The following PCID2 variants were observed in gnomAD, a reference collection of about 807,000 sequenced individuals.
PCID2 encodes PCI domain containing 2.
In PCID2, 41 loss-of-function variants were observed where a neutral mutation model predicts 61.3. The observed-to-expected ratio is 0.67, with a 90% CI of 0.52 to 0.87. The LOEUF is 0.87. PCID2 is among the 40% of genes least tolerant of loss of function. PCID2 has a pLI of 0.00. For missense variants in PCID2, 392 were observed against 493.4 expected (o/e 0.79, Z 1.95); for synonymous variants, 187 against 177.8 (o/e 1.05, Z -0.41).
At chr13:113,168,800 C>T in the PCID2 span, among the ~76,000 whole-genome samples, 1 of 152,308 alleles carries the variant, frequency 6.6e-6, no homozygotes, top group Non-Finnish European at 1.5e-5. Flanking sequence ...GTGATCATGG[C>T]TCACTGCAGC....
intron 1 of PCID2, among the ~76,000 whole-genome samples, chr13:113,201,280 G>GA (rs59635425): frequency 0.019 from 2,795 of 151,044 alleles, 79 homozygotes; most frequent in African/African-American, 0.063. Flanking sequence ...ATGATTAAAT[G>GA]AAAAAAAAAG....
chr13:113,176,533 G>A (rs2037190504), downstream of PCID2, among the ~76,000 whole-genome samples: 2 of 152,294 alleles, frequency 1.3e-5, no homozygotes, highest in African/African-American at 2.4e-5. Context: ...AGGCCGAGGT[G>A]GGGGAATTGC....
intron 8 of PCID2, among the ~76,000 whole-genome samples, chr13:113,184,825 CA>C (rs1233764028): frequency 1.3e-5 from 2 of 151,442 alleles, no homozygotes; most frequent in Admixed American, 1.3e-4. Context: ...GAAGCCGTTC[CA>C]GGGGGCACAG....
chr13:113,206,894 C>A (rs1047197535), intron 1 of PCID2, among the ~76,000 whole-genome samples: 1 of 152,200 alleles, frequency 6.6e-6, no homozygotes, highest in Admixed American at 6.5e-5. Flanking sequence ...GTCACCCCTT[C>A]CCTTCTCAGT....
intron 9 of PCID2, among the ~76,000 whole-genome samples, chr13:113,182,485 T>A (rs747961215): frequency 6.6e-6 from 1 of 152,194 alleles, no homozygotes; most frequent in Non-Finnish European, 1.5e-5. Flanking sequence ...TTCTCCTGGA[T>A]GTACAAAAAA....
the PCID2 span, among the ~76,000 whole-genome samples, chr13:113,167,665 G>A: frequency 5.3e-5 from 8 of 152,152 alleles, no homozygotes; most frequent in South Asian, 1.5e-3. Context: ...TTTATAAAGT[G>A]CATGTTTAAA....
chr13:113,173,366 G>A (rs771980212), downstream of PCID2, among the ~76,000 whole-genome samples: 1 of 134,182 alleles, frequency 7.5e-6, no homozygotes, highest in Non-Finnish European at 1.6e-5. Context: ...GACAGAAATG[G>A]CATAAATGTT....
chr13:113,191,293 G>A lies in PCID2; in HGVS notation c.364-318C>T, dbSNP rs188875092. Reference sequence around the variant, plus strand: ...AAGTAATCCTCCCATCCTGGCCTCCGGAAGTGTTGGGATTACAGGCATGAG... The same window carrying A: ...AAGTAATCCTCCCATCCTGGCCTCCAGAAGTGTTGGGATTACAGGCATGAG... On this transcript the variant is annotated intron_variant, in intron 6 of 13. Coordinates refer to ENST00000337344, the MANE Select transcript of PCID2 (RefSeq NM_001127202.4). Among the ~76,000 whole-genome samples the A allele has an allele frequency of 1.4e-4, 22 of 151,836 alleles. No individual in the cohort carries two copies. In the East Asian group the frequency reaches 2.9e-3, roughly 20 times the overall value.
the PCID2 span, among the ~76,000 whole-genome samples, chr13:113,169,009 G>A: frequency 5.3e-5 from 8 of 152,144 alleles, no homozygotes; most frequent in Admixed American, 2.6e-4. Context: ...GATTATAGGC[G>A]TGAGCCACCA....
chr13:113,174,974 G>A (rs1208287363), downstream of PCID2, among the ~76,000 whole-genome samples: 4 of 152,168 alleles, frequency 2.6e-5, no homozygotes, highest in Non-Finnish European at 4.4e-5. Flanking sequence ...TAATCCCCAC[G>A]TGTGGAGAAG....
intron 13 of PCID2, 30 bp from the exon 14 acceptor site, chr13:113,178,317 A>T (rs760478580): frequency 6.5e-7 from 1 of 1,543,154 alleles, no homozygotes; most frequent in Non-Finnish European, 9.0e-7. Context: ...GAATGCGTTT[A>T]CATTTTTGGA....
downstream of PCID2, among the ~76,000 whole-genome samples, chr13:113,176,917 G>A (rs1419301233): frequency 6.6e-6 from 1 of 152,186 alleles, no homozygotes; most frequent in Non-Finnish European, 1.5e-5. Flanking sequence ...CTCTAGAACT[G>A]TGAGGAAATA....
chr13:113,187,599 A>T (rs535713647), intron 7 of PCID2: 1 of 152,148 alleles, frequency 6.6e-6, no homozygotes, highest in Non-Finnish European at 1.5e-5. Flanking sequence ...ACTGGTGATT[A>T]ATGACCTTGA....
intron 1 of PCID2, among the ~76,000 whole-genome samples, chr13:113,204,002 TA>T (rs1156622129): frequency 2.6e-5 from 4 of 152,184 alleles, no homozygotes; most frequent in Admixed American, 6.5e-5. Flanking sequence ...CTTGCTCAAC[TA>T]AGGGGCTTCT....
chr13:113,190,393 G>A (rs1039515085), intron 7 of PCID2, among the ~76,000 whole-genome samples: 5 of 152,114 alleles, frequency 3.3e-5, no homozygotes, highest in African/African-American at 9.7e-5. Context: ...CATTTTTAAA[G>A]TGCCAAAAGG....
chr13:113,180,450 C>T (rs1595152772), intron 10 of PCID2, among the ~76,000 whole-genome samples: 1 of 152,312 alleles, frequency 6.6e-6, no homozygotes, highest in East Asian at 1.9e-4. Context: ...GACACGTGAC[C>T]TTGATCTTGA....
intron 6 of PCID2, among the ~76,000 whole-genome samples, chr13:113,193,080 T>A (rs1186555518): frequency 6.6e-6 from 1 of 152,178 alleles, no homozygotes; most frequent in Admixed American, 6.5e-5. Context: ...TCCAGAACTA[T>A]GAGACATAAA....
At chr13:113,194,532 G>A (rs1157059385) in intron 6 of PCID2, among the ~76,000 whole-genome samples, 1 of 152,132 alleles carries the variant, frequency 6.6e-6, no homozygotes, top group African/African-American at 2.4e-5. Flanking sequence ...CATCCTGACT[G>A]GAACTGAAGT....
Position 113,200,566 on chromosome 13 carries a change from G to A in PCID2, c.37-50C>T, listed in dbSNP as rs200111120. 2.7e-5 allele frequency: 33 copies of A among 1,208,112 alleles called. 1 individual carries two copies. The East Asian group carries it at 4.0e-4, about 14-fold the overall frequency. 74.8% of individuals were successfully genotyped at this position (1,208,112 alleles called of 1,614,324 possible). ...AAGTAGAAAATAAAATATTCTGTTC[G>A]AATAGAACCTACAACAATACACTGA... On this transcript the variant is annotated intron_variant, in intron 1 of 13. Coordinates refer to ENST00000337344, the MANE Select transcript of PCID2 (RefSeq NM_001127202.4).
Sources: allele counts gnomAD v4.1 joint callset (sites outside exome capture counted in the v4.1 genomes callset), GRCh38; gene constraint gnomAD v4.1.1; transcripts MANE v1.5; gene names NCBI Gene and HGNC (gene_info 2026-07-23, HGNC 2026-07-21).